Variants in KSR1 observed in about 807,000 individuals in gnomAD.
KSR1 encodes kinase suppressor of ras.
In KSR1, 35 loss-of-function variants were observed where a neutral mutation model predicts 92.9. The observed-to-expected ratio is 0.38, with a 90% CI of 0.29 to 0.50. KSR1 has a LOEUF of 0.50. Ranked by LOEUF, KSR1 falls within the 20% of genes least tolerant of loss-of-function variation. KSR1 has a pLI of 0.94. For missense variants in KSR1, 972 were observed against 1,158.5 expected, an observed-to-expected ratio of 0.84 and a Z score of 2.34; for synonymous variants, 467 against 472.6, an observed-to-expected ratio of 0.99 and a Z score of 0.15.
intron 4 of KSR1, among the ~76,000 whole-genome samples, chr17:27,583,557 G>C (rs2072856851): frequency 1.3e-5 from 2 of 152,346 alleles, no homozygotes; most frequent in South Asian, 4.1e-4. Flanking sequence ...CTCCTTCTTG[G>C]AAGTTCCACC....
chr17:27,515,334 T>TA (rs1262595071), intron 1 of KSR1, among the ~76,000 whole-genome samples: 3 of 152,248 alleles, frequency 2.0e-5, no homozygotes, highest in East Asian at 1.9e-4. Context: ...AGATTTGTCT[T>TA]ACAAATGTAT....
At chr17:27,609,175 T>C in intron 15 of KSR1, 21 bp from the exon 16 acceptor site, 1 of 1,604,578 alleles carries the variant, frequency 6.2e-7, no homozygotes. Flanking sequence ...ACATCTTCAC[T>C]CCTCCTGATG....
rs947557635 is a variant in KSR1, at chr17:27,512,192, T to C, written c.232-38376T>C. Among the ~76,000 whole-genome samples, 5 of 152,224 alleles carry C rather than the reference T, an allele frequency of 3.3e-5. No individual in the cohort carries two copies. In the East Asian group the frequency reaches 9.6e-4, roughly 29 times the overall value. Reference sequence around the variant, plus strand: ...CTTTCTGAGCTAGGTTAGGTTTCCATCACTAATCTGTGGAGAAAATGTGTA... The same window carrying C: ...CTTTCTGAGCTAGGTTAGGTTTCCACCACTAATCTGTGGAGAAAATGTGTA... On this transcript the variant is annotated intron_variant, in intron 1 of 20. Transcript: ENST00000644974.
chr17:27,585,228 G>A, intron 4 of KSR1, among the ~76,000 whole-genome samples: 1 of 152,100 alleles, frequency 6.6e-6, no homozygotes, highest in Non-Finnish European at 1.5e-5. Context: ...GAGCCACCAG[G>A]CCTGGTCTCT....
At chr17:27,468,942 C>G (rs1448552856) in intron 1 of KSR1, among the ~76,000 whole-genome samples, 2 of 152,200 alleles carry the variant, frequency 1.3e-5, no homozygotes, top group African/African-American at 2.4e-5. Context: ...GATTTCCAGT[C>G]CATTCTTGCC....
chr17:27,519,046 T>C (rs1217007145), intron 1 of KSR1, among the ~76,000 whole-genome samples: 5 of 152,194 alleles, frequency 3.3e-5, no homozygotes, highest in African/African-American at 4.8e-5. Context: ...TGCTTGATCC[T>C]GAAGCCCTGG....
At chr17:27,619,048 A>C (rs1404236400) in intron 19 of KSR1, among the ~76,000 whole-genome samples, 3 of 152,262 alleles carry the variant, frequency 2.0e-5, no homozygotes, top group South Asian at 2.1e-4. Flanking sequence ...TCTCCCACAG[A>C]GTCCCGCTCT....
rs973218237 is a variant in KSR1 at position 27,456,476 on chromosome 17, G to A, written c.-168G>A. The stretch of plus-strand genomic sequence containing the variant: ...GCCGCGGCTTTCGCTTTGCTGCCGC[G>A]GCTGGGAGGGTGGAAGCGGCAGACT... On this transcript the variant is annotated 5_prime_UTR_variant, in exon 1 of 21. Transcript: ENST00000644974. 5.2e-6 allele frequency: 2 copies of A among 385,458 alleles called. No individual in the cohort carries two copies. Among genetic ancestry groups the A allele is most frequent in the Non-Finnish European group, 9.1e-6 (2 of 219,654 alleles). 23.9% of individuals were successfully genotyped at this position (385,458 alleles called of 1,614,324 possible).
intron 9 of KSR1, among the ~76,000 whole-genome samples, chr17:27,593,811 A>T (rs1372871824): frequency 6.6e-6 from 1 of 152,246 alleles, no homozygotes; most frequent in South Asian, 2.1e-4. Flanking sequence ...TTAGTTTCTC[A>T]TGGTTCTGGA....
At chr17:27,530,900 C>T (rs1295269463) in intron 1 of KSR1, among the ~76,000 whole-genome samples, 1 of 152,186 alleles carries the variant, frequency 6.6e-6, no homozygotes. Flanking sequence ...TAAAATAACA[C>T]AAAAAACTTC....
chr17:27,511,354 G>A (rs1021683609), intron 1 of KSR1, among the ~76,000 whole-genome samples: 1 of 152,220 alleles, frequency 6.6e-6, no homozygotes, highest in African/African-American at 2.4e-5. Flanking sequence ...AGTGTGGAGA[G>A]GTAGAAGGCT....
chr17:27,582,908 C>G lies in KSR1; in HGVS notation c.783C>G (p.Thr261=), dbSNP rs751970128. 2.5e-6 allele frequency: 4 copies of G among 1,612,504 alleles called. No homozygotes were observed. The highest frequency in any genetic ancestry group is 1.3e-5 in the African/African-American group (1 of 74,938). ...CIPLHASGRL[T]PRALHSFITP... is the part of the protein sequence containing the mutation. ...CCCTGCACGCCAGCGGCCGGCTGAC[C>G]CCCCGTGCCCTGCACAGCTTCATCA... Residue 261 remains threonine, a synonymous_variant, in exon 4 of 21, where the codon ACC becomes ACG. Transcript: ENST00000644974.
At chr17:27,597,514 T>C (rs1209272678) in intron 10 of KSR1, 78 bp downstream of exon 10, 3 of 1,448,732 alleles carry the variant, frequency 2.1e-6, no homozygotes, top group Non-Finnish European at 1.9e-6. Context: ...GTTCGGCAGA[T>C]TCAAGGTCAG....
At chr17:27,539,524 A>G (rs2948534) in intron 1 of KSR1, among the ~76,000 whole-genome samples, 37,793 of 152,046 alleles carry the variant, frequency 0.25, 4,936 homozygotes, top group Admixed American at 0.36. Context: ...GGGTTCCTGA[A>G]AATTATGGAC....
In KSR1 at chr17:27,609,811, CT is replaced by C. The variant is rs1242979433; in HGVS notation, c.2226-254del. On this transcript the variant is annotated intron_variant, in intron 16 of 20. Coordinates refer to ENST00000644974, the MANE Select transcript of KSR1 (RefSeq NM_001394583.1). Reference sequence around the variant, plus strand: ...TTCTCCAGCAGAGGGAGCTGGGCACCTTCACCAGCAGCTCCCTGTCAATATT... The same window carrying C: ...TTCTCCAGCAGAGGGAGCTGGGCACCTCACCAGCAGCTCCCTGTCAATATT... The C allele has an allele frequency of 8.1e-5, 33 of 409,398 alleles. No individual in the cohort carries two copies. In the East Asian group the frequency reaches 1.5e-3, roughly 19 times the overall value. 25.4% of individuals were successfully genotyped at this position (409,398 alleles called of 1,614,324 possible).
intron 1 of KSR1, among the ~76,000 whole-genome samples, chr17:27,473,978 G>T (rs2068263808): frequency 6.6e-6 from 1 of 152,196 alleles, no homozygotes; most frequent in African/African-American, 2.4e-5. Flanking sequence ...AAAAGCCAAA[G>T]ACCTCGTTTA....
At chr17:27,613,521 A>C (rs578100459) in intron 18 of KSR1, among the ~76,000 whole-genome samples, 1 of 152,312 alleles carries the variant, frequency 6.6e-6, no homozygotes, top group Admixed American at 6.5e-5. Context: ...ATAAGGCGCG[A>C]ATTCCTGGTG....
At chr17:27,527,879 T>C (rs1157530160) in intron 1 of KSR1, among the ~76,000 whole-genome samples, 3 of 152,218 alleles carry the variant, frequency 2.0e-5, no homozygotes, top group Admixed American at 2.0e-4. Context: ...CTTTGTACGA[T>C]GTCTTTAATG....
intron 11 of KSR1, among the ~76,000 whole-genome samples, chr17:27,602,927 A>G (rs1233022832): frequency 1.3e-5 from 2 of 152,246 alleles, no homozygotes; most frequent in Non-Finnish European, 2.9e-5. Context: ...AGGCAGAAGA[A>G]AGCCCTAGAA....
Sources: gnomAD v4.1 joint callset for allele counts (sites outside exome capture counted in the v4.1 genomes callset) on GRCh38, gnomAD v4.1.1 for gene constraint, MANE v1.5 for transcripts, NCBI Gene and HGNC (gene_info 2026-07-23, HGNC 2026-07-21) for gene names.